Variants in COBL observed in about 807,000 individuals in gnomAD.
The protein encoded by COBL is cordon-bleu WH2 repeat protein.
A neutral mutation model predicts 98.8 loss-of-function variants in COBL; 51 were observed. The observed-to-expected ratio is 0.52, with a 90% CI of 0.41 to 0.65. The LOEUF (loss-of-function observed/expected upper bound fraction) is 0.65. COBL is among the 30% of genes least tolerant of loss of function. The pLI is 0.00. For synonymous variants in COBL, 634 were observed against 651.7 expected (o/e 0.97, Z 0.41); for missense variants, 1,617 against 1,617.5 (o/e 1.00, Z 0.01).
chr7:51,138,039 G>C (rs1191512164), intron 5 of COBL, among the ~76,000 whole-genome samples: 1 of 152,074 alleles, frequency 6.6e-6, no homozygotes, highest in Non-Finnish European at 1.5e-5. Context: ...AGATTTTCTT[G>C]TGCTTAAATA....
intron 12 of COBL, among the ~76,000 whole-genome samples, chr7:51,017,960 C>T (rs1046015052): frequency 5.9e-5 from 9 of 152,230 alleles, no homozygotes; most frequent in Non-Finnish European, 1.3e-4. Flanking sequence ...GGACGAGTTA[C>T]CCTCTATAAC....
At chr7:51,281,479 A>G (rs1237236516) in intron 1 of COBL, among the ~76,000 whole-genome samples, 3 of 152,238 alleles carry the variant, frequency 2.0e-5, no homozygotes, top group Admixed American at 1.3e-4. Flanking sequence ...GTACAAAAAA[A>G]GCCCACACTC....
At chr7:51,259,475 C>G in intron 1 of COBL, 1 of 580,094 alleles carries the variant, frequency 1.7e-6, no homozygotes, top group Non-Finnish European at 3.2e-6. Context: ...ACCCCGACAG[C>G]CAGGTGGGGC....
intron 1 of COBL, among the ~76,000 whole-genome samples, chr7:51,231,782 ACC>A (rs1165574060): frequency 6.6e-6 from 1 of 151,910 alleles, no homozygotes; most frequent in African/African-American, 2.4e-5. Context: ...TGAGGGTGGG[ACC>A]CCCACACACC....
intron 5 of COBL, among the ~76,000 whole-genome samples, chr7:51,182,387 T>C (rs1303830030): frequency 6.6e-6 from 1 of 152,066 alleles, no homozygotes; most frequent in Non-Finnish European, 1.5e-5. Flanking sequence ...ATTCAAGCGA[T>C]TCTCCTGCCT....
intron 8 of COBL, among the ~76,000 whole-genome samples, chr7:51,042,154 C>T (rs767887305): frequency 2.0e-5 from 3 of 151,736 alleles, no homozygotes; most frequent in African/African-American, 7.3e-5. Flanking sequence ...TTTTAGGGTA[C>T]GGGAAGGATC....
chr7:51,221,243 C>T (rs539539392), intron 1 of COBL, among the ~76,000 whole-genome samples: 1 of 152,282 alleles, frequency 6.6e-6, no homozygotes, highest in South Asian at 2.1e-4. Context: ...AGCCTCAGCA[C>T]ACCTTCACCT....
At chr7:51,106,462 C>A (rs1394764361) in intron 6 of COBL, among the ~76,000 whole-genome samples, 2 of 152,170 alleles carry the variant, frequency 1.3e-5, no homozygotes, top group Admixed American at 1.3e-4. Context: ...AGTGACATGT[C>A]GCCATTTCAA....
chr7:51,029,132 G>A lies in COBL; in HGVS notation c.1964C>T (p.Ala655Val). The A allele has an allele frequency of 1.2e-6, 2 of 1,614,114 alleles. No homozygotes were observed. Among genetic ancestry groups the A allele is most frequent in the South Asian group, 2.2e-5 (2 of 91,080 alleles). ...AKVKDKVYGC[A>V]DGERTQATER... The stretch of plus-strand genomic sequence containing the variant: ...TGTGGCTTGAGTCCTCTCCCCGTCA[G>A]CACAGCCATACACTTTGTCTTTCAC... The change falls in exon 10 of 13, where the codon GCT becomes GTT. Residue 655 changes from alanine (A) to valine (V), a missense_variant. Coordinates refer to ENST00000265136, the MANE Select transcript of COBL (RefSeq NM_015198.5).
intron 1 of COBL, among the ~76,000 whole-genome samples, chr7:51,315,238 T>C (rs1369599857): frequency 6.9e-6 from 1 of 144,064 alleles, no homozygotes; most frequent in African/African-American, 2.5e-5. Flanking sequence ...GAGAATTATA[T>C]AACCACCAGT....
chr7:51,054,535 G>A (rs959161555), intron 7 of COBL, among the ~76,000 whole-genome samples: 1 of 152,160 alleles, frequency 6.6e-6, no homozygotes, highest in Non-Finnish European at 1.5e-5. Flanking sequence ...CTGGAGAGGA[G>A]TGACTTTCTG....
At chr7:51,123,313 G>A (rs1237595048) in intron 6 of COBL, among the ~76,000 whole-genome samples, 1 of 152,192 alleles carries the variant, frequency 6.6e-6, no homozygotes, top group Non-Finnish European at 1.5e-5. Context: ...GACTTCTTGA[G>A]TTTATGTATA....
chr7:51,282,924 A>G (rs557412929), intron 1 of COBL, among the ~76,000 whole-genome samples: 2 of 152,306 alleles, frequency 1.3e-5, no homozygotes, highest in Non-Finnish European at 2.9e-5. Context: ...AAACACTTGG[A>G]AATGTAATCA....
In COBL at chr7:51,043,551, G is replaced by A; in HGVS notation, c.1238C>T (p.Pro413Leu). 4 of 1,614,206 alleles carry A rather than the reference G, an allele frequency of 2.5e-6. No individual in the cohort carries two copies. Among genetic ancestry groups the A allele is most frequent in the Non-Finnish European group, 2.5e-6 (3 of 1,180,040 alleles). Residue 413 changes from proline to leucine, a missense_variant, in exon 8 of 13, where the codon CCC becomes CTC. Pro to Leu is a moderately conservative substitution (Grantham distance 98, BLOSUM62 -3). This residue lies in a region of COBL where 1,304 missense variants were observed against 1,282.0 expected (regional missense o/e 1.02). Transcript: ENST00000265136. The part of the protein sequence containing the change: ...TTEDSGVMSS[P>L]SDIVSLDSQQ... Reference sequence around the variant, plus strand: ...CGAGTCCAGAGAGACGATGTCTGAGGGGGAACTCATCACTCCTGAGTCCTC... The same window carrying A: ...CGAGTCCAGAGAGACGATGTCTGAGAGGGAACTCATCACTCCTGAGTCCTC...
At chr7:51,182,368 G>A (rs559972587) in intron 5 of COBL, among the ~76,000 whole-genome samples, 2 of 151,330 alleles carry the variant, frequency 1.3e-5, no homozygotes, top group South Asian at 2.1e-4. Context: ...TGCAACCTCT[G>A]CCTCCCGGAT....
chr7:51,292,034 G>A lies in COBL; in HGVS notation c.41+24559C>T, dbSNP rs558041793. 2.0e-5 allele frequency among the ~76,000 whole-genome samples: 3 copies of A among 151,710 alleles called. No individual in the cohort carries two copies. The East Asian group carries it at 5.9e-4, about 30-fold the overall frequency. On this transcript the variant is annotated intron_variant, in intron 1 of 12. Transcript: ENST00000265136. ...AAATTGGCTGGGTGTGGTGGAGGGC[G>A]CTATTTGGGAGGCTGAGCAGGAGAA...
chr7:51,045,796 T>C lies in COBL; in HGVS notation c.1097-2104A>G, dbSNP rs370723209. Among the ~76,000 whole-genome samples the C allele has an allele frequency of 9.8e-5, 15 of 152,310 alleles. No individual in the cohort carries two copies. In the East Asian group the frequency reaches 2.3e-3, roughly 24 times the overall value. ...GATACATATATATTCCTCAGAAGTT[T>C]TGAGGCAATAAAAAAAAGTTGAGAG... On this transcript the variant is annotated intron_variant, in intron 7 of 12. Transcript: ENST00000265136.
intron 1 of COBL, among the ~76,000 whole-genome samples, chr7:51,255,252 G>T (rs1326063188): frequency 6.6e-6 from 1 of 152,204 alleles, no homozygotes; most frequent in South Asian, 2.1e-4. Flanking sequence ...ATGAGGAACT[G>T]CTGCCCGAGG....
chr7:51,059,374 C>T (rs998284744), intron 7 of COBL, among the ~76,000 whole-genome samples: 5 of 152,222 alleles, frequency 3.3e-5, no homozygotes, highest in African/African-American at 4.8e-5. Context: ...CATAAAGCTG[C>T]GGTTTCCAAA....
Sources: gnomAD v4.1 joint callset for allele counts (sites outside exome capture counted in the v4.1 genomes callset) on GRCh38, gnomAD v4.1.1 for gene constraint, gnomAD v4.1.1 regional missense constraint, MANE v1.5 for transcripts, NCBI Gene and HGNC (gene_info 2026-07-23, HGNC 2026-07-21) for gene names.